The following PML variants were observed in gnomAD, a reference collection of about 807,000 sequenced individuals.
PML encodes protein PML.
PML carries 28 observed loss-of-function variants against 65.2 expected under a neutral mutation model. The ratio of observed to expected loss-of-function variants is 0.43; its 90% CI spans 0.32 to 0.59. The LOEUF (loss-of-function observed/expected upper bound fraction) is 0.59. Ranked by LOEUF, PML falls within the 20% of genes least tolerant of loss-of-function variation. The probability of loss-of-function intolerance (pLI) is 0.08; values close to 1 mark genes in which losing one functional copy is unlikely to be tolerated. For missense variants in PML, 1,021 were observed against 1,203.4 expected (o/e 0.85, Z 2.24); for synonymous variants, 500 against 508.8 (o/e 0.98, Z 0.23).
At chr15:74,033,497 C>G (rs2071410509) in intron 6 of PML, 83 bp downstream of exon 6, 8 of 1,501,552 alleles carry the variant, frequency 5.3e-6, no homozygotes, top group Non-Finnish European at 7.3e-6. Flanking sequence ...TGGCCCCATC[C>G]AGAAAGCCCA....
At chr15:74,025,753 C>A (rs1028779042) in intron 4 of PML, 1 of 152,340 alleles carries the variant, frequency 6.6e-6, no homozygotes, top group Non-Finnish European at 1.5e-5. Context: ...TTGGCATTCA[C>A]AAGTATGGCT....
rs567362523 is a variant in PML at position 74,022,957 on chromosome 15, G to T, written c.732G>T (p.Thr244=). The T allele has an allele frequency of 1.9e-6, 3 of 1,610,248 alleles. No homozygotes were observed. In the African/African-American group the frequency reaches 4.0e-5, roughly 21 times the overall value. ...QQRQEELDAM[T]QALQEQDSAF... ...GACAGGAGGAGCTGGACGCCATGAC[G>T]CAGGCGCTGCAGGAGCAGGATAGTG... The change falls in exon 3 of 9, where the codon ACG becomes ACT. Residue 244 remains threonine, a synonymous_variant. Transcript: ENST00000268058.
chr15:74,042,738 G>A lies in PML; in HGVS notation c.1711-251G>A. 1.0e-6 allele frequency: 1 copy of A among 985,356 alleles called. No homozygotes were observed. Among genetic ancestry groups the A allele is most frequent in the Non-Finnish European group, 1.2e-6 (1 of 829,912 alleles). The allele number at this position is 985,356 out of a possible 1,614,324, so 61.0% of individuals were successfully genotyped here. A position where few individuals can be genotyped will look rare whatever the true frequency, so the allele number is the denominator to read the frequency against. On this transcript the variant is annotated intron_variant, in intron 7 of 8. Transcript: ENST00000268058. The surrounding 1 kb of genome is among the most constrained non-coding windows in gnomAD (Gnocchi z 5.3). ...ACACATGCACGTTCACAACCTGTGT[G>A]TGTCACCCTTCCTCCCCTACTCATG...
chr15:74,034,341 G>A, intron 6 of PML, 137 bp from the exon 7 acceptor site: 2 of 1,031,440 alleles, frequency 1.9e-6, no homozygotes, highest in Non-Finnish European at 3.1e-6. Context: ...CACACACAGT[G>A]GCTGTTCCCG....
chr15:74,014,938 C>G (rs79343081), intron 2 of PML, among the ~76,000 whole-genome samples: 1 of 152,198 alleles, frequency 6.6e-6, no homozygotes, highest in South Asian at 2.1e-4. Context: ...GAACACTGCC[C>G]ACTATGGATA....
At chr15:74,013,948 G>T (rs2070446928) in intron 2 of PML, among the ~76,000 whole-genome samples, 1 of 152,208 alleles carries the variant, frequency 6.6e-6, no homozygotes. Context: ...GAAAGTCAAT[G>T]AATTTCCCCC....
chr15:74,017,789 T>A (rs990938217), intron 2 of PML, among the ~76,000 whole-genome samples: 1 of 152,230 alleles, frequency 6.6e-6, no homozygotes, highest in African/African-American at 2.4e-5. Context: ...CCATATTCTC[T>A]TAATAATGGC....
At chr15:74,003,083 A>G (rs1399793070) in intron 2 of PML, among the ~76,000 whole-genome samples, 1 of 152,066 alleles carries the variant, frequency 6.6e-6, no homozygotes, top group Non-Finnish European at 1.5e-5. Context: ...GCAGTGAGCC[A>G]TGATCACGCC....
chr15:74,013,728 TTTAA>T (rs1412231467), intron 2 of PML, among the ~76,000 whole-genome samples: 1 of 152,248 alleles, frequency 6.6e-6, no homozygotes, highest in African/African-American at 2.4e-5. Context: ...TATACATGGC[TTTAA>T]TTAATTGATT....
chr15:74,012,248 T>C (rs2070368619), intron 2 of PML, among the ~76,000 whole-genome samples: 1 of 152,214 alleles, frequency 6.6e-6, no homozygotes. Context: ...CAATCTTGGC[T>C]CACTGCAACC....
rs1424450459 is a variant in PML, at chr15:74,045,459, C to G, written c.*451C>G. The G allele has an allele frequency of 1.2e-5, 3 of 245,880 alleles. No individual in the cohort carries two copies. The highest frequency in any genetic ancestry group is 7.9e-6 in the Non-Finnish European group (1 of 126,576). The allele number at this position is 245,880 out of a possible 1,614,324, so 15.2% of individuals were successfully genotyped here. On this transcript the variant is annotated 3_prime_UTR_variant, in exon 9 of 9. Transcript: ENST00000268058. Reference sequence around the variant, plus strand: ...GATGCTGGCTACAGCCCTGGCAGCCCATGGCAACTCAAAGTGCCTTCCAAA... The same window carrying G: ...GATGCTGGCTACAGCCCTGGCAGCCGATGGCAACTCAAAGTGCCTTCCAAA...
At position 74,008,534 on chromosome 15, in the gene PML, T is replaced by G. The variant is rs1017142792; in HGVS notation, c.602+10058T>G. 1.6e-4 allele frequency among the ~76,000 whole-genome samples: 24 copies of G among 151,772 alleles called. 1 individual carries two copies. The highest frequency in any genetic ancestry group is 8.3e-4 in the South Asian group (4 of 4,806). On this transcript the variant is annotated intron_variant, in intron 2 of 8. Transcript: ENST00000268058. ...TGGGCAGATCACGAGGTCAGGAGAT[T>G]GAGACCATCCTGGCTAACATGGTGA...
chr15:74,020,324 C>G (rs1429537225), intron 2 of PML, among the ~76,000 whole-genome samples: 3 of 127,222 alleles, frequency 2.4e-5, no homozygotes, highest in South Asian at 2.5e-4. Context: ...GAGTCTTGCT[C>G]TGTTGGCCAG....
intron 6 of PML, chr15:74,033,694 G>A: frequency 1.6e-6 from 1 of 629,262 alleles, no homozygotes; most frequent in South Asian, 1.8e-5. Context: ...GCACAGGGCA[G>A]GTCTCCACAA....
In PML at chr15:74,041,758, G is replaced by C. The variant is rs541002930; in HGVS notation, c.1711-1231G>C. 1.5e-4 allele frequency among the ~76,000 whole-genome samples: 23 copies of C among 152,344 alleles called. No individual in the cohort carries two copies. The South Asian group carries it at 2.3e-3, about 15-fold the overall frequency. ...AAGCAGATGTTTCACTTGGGCATTG[G>C]AAGGGTCTGGGGAAATGTGCTGCCT... is the stretch of plus-strand genomic sequence containing the variant. On this transcript the variant is annotated intron_variant, in intron 7 of 8. Coordinates refer to ENST00000268058, the MANE Select transcript of PML (RefSeq NM_033238.3).
intron 2 of PML, among the ~76,000 whole-genome samples, chr15:74,008,491 C>T (rs1408547264): frequency 6.6e-6 from 1 of 152,158 alleles, no homozygotes; most frequent in Non-Finnish European, 1.5e-5. Flanking sequence ...GTAATCCCAG[C>T]ACTTTGGGAG....
intron 2 of PML, among the ~76,000 whole-genome samples, chr15:74,010,492 G>A (rs180825805): frequency 1.5e-3 from 224 of 147,696 alleles, no homozygotes; most frequent in Non-Finnish European, 2.1e-3. Flanking sequence ...ACTCCAGCCT[G>A]GGCAACAGAG....
At chr15:74,016,093 A>G (rs2070561665) in intron 2 of PML, among the ~76,000 whole-genome samples, 1 of 152,176 alleles carries the variant, frequency 6.6e-6, no homozygotes, top group South Asian at 2.1e-4. Context: ...CCTGGCCAAC[A>G]TGGTGAAACC....
At position 74,045,199 on chromosome 15, in the gene PML, C is replaced by T. The variant is rs2071759581; in HGVS notation, c.*191C>T. 3 of 607,926 alleles carry T rather than the reference C, an allele frequency of 4.9e-6. No homozygotes were observed. Among genetic ancestry groups the T allele is most frequent in the African/African-American group, 3.7e-5 (2 of 54,024 alleles). 37.7% of individuals were successfully genotyped at this position (607,926 alleles called of 1,614,324 possible). On this transcript the variant is annotated 3_prime_UTR_variant, in exon 9 of 9. Coordinates refer to ENST00000268058, the MANE Select transcript of PML (RefSeq NM_033238.3). ...ACATCCTACAGAGAAGGTTCCAAAG[C>T]TGAGCACCCATCACCCTAGGTGTGC...
Sources: allele counts gnomAD v4.1 joint callset (sites outside exome capture counted in the v4.1 genomes callset), GRCh38; gene constraint gnomAD v4.1.1; non-coding constraint Gnocchi (gnomAD v3.1); transcripts MANE v1.5; gene names NCBI Gene and HGNC (gene_info 2026-07-23, HGNC 2026-07-21).